The following PPARA variants were observed in gnomAD, a reference collection of about 807,000 sequenced individuals.
The protein encoded by PPARA is peroxisome proliferator activated receptor alpha.
A neutral mutation model predicts 42.2 loss-of-function variants in PPARA; 22 were observed. That is an observed-to-expected ratio of 0.52 (90% CI 0.37 to 0.74). The LOEUF (loss-of-function observed/expected upper bound fraction) is 0.74. PPARA is among the 30% of genes least tolerant of loss of function. PPARA has a pLI of 0.00. For synonymous variants in PPARA, 242 were observed against 239.3 expected, an observed-to-expected ratio of 1.01 and a Z score of -0.10; for missense variants, 465 against 608.2, an observed-to-expected ratio of 0.76 and a Z score of 2.48.
chr22:46,217,099 C>T (rs757042796), intron 5 of PPARA, among the ~76,000 whole-genome samples: 4 of 152,144 alleles, frequency 2.6e-5, no homozygotes, highest in Admixed American at 6.6e-5. Context: ...CACTGTGGCA[C>T]TCTGCTGTCT....
chr22:46,241,262 G>A lies in PPARA; in HGVS notation c.*5882G>A, dbSNP rs901604236. On this transcript the variant is annotated 3_prime_UTR_variant, in exon 9 of 9. Transcript: ENST00000407236. The surrounding 1 kb of genome is among the most constrained non-coding windows in gnomAD (Gnocchi z 5.7). ...CATTTTGACAGCATTCAGGAAAACG[G>A]TTATTGACCCCATAGACTAGGGTAA... 2.0e-4 allele frequency: 30 copies of A among 152,270 alleles called. 1 individual carries two copies. The highest frequency in any genetic ancestry group is 7.0e-4 in the African/African-American group (29 of 41,544). 9.4% of individuals were successfully genotyped at this position (152,270 alleles called of 1,614,324 possible).
chr22:46,206,270 TTGTGTGTGTGTG>T (rs58068079), intron 4 of PPARA, among the ~76,000 whole-genome samples: 3 of 150,322 alleles, frequency 2.0e-5, no homozygotes, highest in African/African-American at 7.3e-5. Context: ...CCCGGCTAAT[TTGTGTGTGTGTG>T]TGTGTGTGTA....
intron 3 of PPARA, among the ~76,000 whole-genome samples, chr22:46,185,954 TATATATATATACAC>T (rs1312702634): frequency 3.6e-5 from 2 of 56,140 alleles, no homozygotes; most frequent in African/African-American, 1.3e-4. Context: ...TATATATATA[TATATATATATACAC>T]ACACACTAAC....
chr22:46,215,823 C>G (rs545739200), intron 5 of PPARA, among the ~76,000 whole-genome samples: 25 of 152,190 alleles, frequency 1.6e-4, no homozygotes, highest in African/African-American at 6.0e-4. Context: ...GCACAGAACC[C>G]CTGAGAGCGT....
Position 46,180,645 on chromosome 22 carries a change from A to G in PPARA, c.-43+3809A>G, listed in dbSNP as rs1160234030. 1.3e-5 allele frequency among the ~76,000 whole-genome samples: 2 copies of G among 152,100 alleles called. No individual in the cohort carries two copies. The highest frequency in any genetic ancestry group is 2.4e-5 in the African/African-American group (1 of 41,406). Reference sequence around the variant, plus strand: ...TCTGTATGCCTGCTTCCTGCCTCACATATTTCCTGCCTCAAGATGCGTAAA... The same window carrying G: ...TCTGTATGCCTGCTTCCTGCCTCACGTATTTCCTGCCTCAAGATGCGTAAA... On this transcript the variant is annotated intron_variant, in intron 3 of 8. Transcript: ENST00000407236. The surrounding 1 kb of genome is among the most constrained non-coding windows in gnomAD (Gnocchi z 4.2).
chr22:46,158,091 T>C (rs1322830677), intron 2 of PPARA, among the ~76,000 whole-genome samples: 5 of 152,100 alleles, frequency 3.3e-5, no homozygotes, highest in Admixed American at 1.3e-4. Context: ...CCCCACCCCC[T>C]TTCATTTTTC....
At chr22:46,208,971 C>T (rs1933667782) in intron 4 of PPARA, among the ~76,000 whole-genome samples, 1 of 151,828 alleles carries the variant, frequency 6.6e-6, no homozygotes, top group South Asian at 2.1e-4. Flanking sequence ...CATTAATGAT[C>T]ATTTAGGATG....
At position 46,185,894 on chromosome 22, in the gene PPARA, C is replaced by CAAAAAAAAAAAAAAAAAAAAAAAAAA. The variant is rs1279499029; in HGVS notation, c.-43+9058_-43+9059insAAAAAAAAAAAAAAAAAAAAAAAAAA. Among the ~76,000 whole-genome samples the CAAAAAAAAAAAAAAAAAAAAAAAAAA allele has an allele frequency of 9.6e-5, 2 of 20,860 alleles. 1 individual carries two copies. Among genetic ancestry groups the CAAAAAAAAAAAAAAAAAAAAAAAAAA allele is most frequent in the Admixed American group, 1.5e-3 (2 of 1,302 alleles). 13.7% of individuals were successfully genotyped at this position (20,860 alleles called of 152,430 possible). A position where few individuals can be genotyped will look rare whatever the true frequency, so the allele number is the denominator to read the frequency against. ...TGGGTGACAAAGTGAGACTCCGTCT[C>CAAAAAAAAAAAAAAAAAAAAAAAAAA]CAAAAAAAAAAAAAAAAAAAAAATA... On this transcript the variant is annotated intron_variant, in intron 3 of 8. Coordinates refer to ENST00000407236, the MANE Select transcript of PPARA (RefSeq NM_005036.6).
At chr22:46,166,625 A>AT (rs956010117) in intron 2 of PPARA, among the ~76,000 whole-genome samples, 1 of 152,026 alleles carries the variant, frequency 6.6e-6, no homozygotes, top group Admixed American at 6.6e-5. Context: ...TCTCAAAAAA[A>AT]AAAAAACAAA....
At chr22:46,209,605 C>G (rs1933724654) in intron 4 of PPARA, among the ~76,000 whole-genome samples, 1 of 152,132 alleles carries the variant, frequency 6.6e-6, no homozygotes, top group Non-Finnish European at 1.5e-5. Flanking sequence ...CTAATCCTAT[C>G]CAGTGTATTT....
Position 46,235,566 on chromosome 22 carries a change from T to C in PPARA, c.*186T>C. ...GTTTTAACCAGTACTTCTAAGAGCA[T>C]AGAACTCAAATGCTGGGGGTAGGTG... On this transcript the variant is annotated 3_prime_UTR_variant, in exon 9 of 9. Coordinates refer to ENST00000407236, the MANE Select transcript of PPARA (RefSeq NM_005036.6). This position sits in a 1 kb window ranked among gnomAD's most constrained non-coding sequence, Gnocchi z 7.0. The C allele has an allele frequency of 1.3e-6, 1 of 763,806 alleles. No homozygotes were observed. Among genetic ancestry groups the C allele is most frequent in the Non-Finnish European group, 2.1e-6 (1 of 479,872 alleles). The allele number at this position is 763,806 out of a possible 1,614,324, so 47.3% of individuals were successfully genotyped here.
rs6008974 is a variant in PPARA at position 46,161,023 on chromosome 22, A to G, written c.-127+9053A>G. ...AGGTCAGAAGTCTAAGTGAAAGTGA[A>G]TATTTAACCACACTCAAGCACAGCT... On this transcript the variant is annotated intron_variant, in intron 2 of 8. Transcript: ENST00000407236. This position sits in a 1 kb window ranked among gnomAD's most constrained non-coding sequence, Gnocchi z 4.8. 3.6e-4 allele frequency among the ~76,000 whole-genome samples: 55 copies of G among 152,352 alleles called. 1 individual carries two copies. Among genetic ancestry groups the G allele is most frequent in the African/African-American group, 1.3e-3 (53 of 41,584 alleles).
At chr22:46,177,155 G>A (rs1296188429) in intron 3 of PPARA, among the ~76,000 whole-genome samples, 2 of 152,116 alleles carry the variant, frequency 1.3e-5, no homozygotes, top group Non-Finnish European at 2.9e-5. Flanking sequence ...AGCTTGCAGT[G>A]AGCCAAGATC....
At chr22:46,198,055 C>T (rs1932501688) in intron 3 of PPARA, among the ~76,000 whole-genome samples, 1 of 149,586 alleles carries the variant, frequency 6.7e-6, no homozygotes, top group African/African-American at 2.5e-5. Flanking sequence ...CACAGTGAAA[C>T]CCGTCTCTAC....
chr22:46,208,381 C>T (rs1366814102), intron 4 of PPARA, among the ~76,000 whole-genome samples: 1 of 152,006 alleles, frequency 6.6e-6, no homozygotes, highest in African/African-American at 2.4e-5. Context: ...AACCCCGTCC[C>T]TACTAAAAAC....
chr22:46,205,558 T>A (rs1430477264), intron 4 of PPARA, among the ~76,000 whole-genome samples: 212 of 52,376 alleles, frequency 4.0e-3, no homozygotes, highest in African/African-American at 6.5e-3. Flanking sequence ...ATATATATTT[T>A]TTTTTTTTTT....
Position 46,167,871 on chromosome 22 carries a change from G to A in PPARA, c.-126-8882G>A, listed in dbSNP as rs995569835. Among the ~76,000 whole-genome samples, 4 of 145,652 alleles carry A rather than the reference G, an allele frequency of 2.7e-5. No individual in the cohort carries two copies. The highest frequency in any genetic ancestry group is 1.1e-4 in the African/African-American group (4 of 36,996). ...CAGCCTGGGCAACATAACAAGAGTG[G>A]GTCTTTACCAAAAAAAAAAAATAAA... On this transcript the variant is annotated intron_variant, in intron 2 of 8. Transcript: ENST00000407236. This position sits in a 1 kb window ranked among gnomAD's most constrained non-coding sequence, Gnocchi z 4.1.
chr22:46,174,551 T>C (rs1237252108), intron 2 of PPARA, among the ~76,000 whole-genome samples: 1 of 152,122 alleles, frequency 6.6e-6, no homozygotes, highest in Non-Finnish European at 1.5e-5. Context: ...ACATAGTAAC[T>C]CACTCCTGTA....
rs1041867266 is a variant in PPARA at position 46,184,123 on chromosome 22, C to T, written c.-43+7287C>T. Among the ~76,000 whole-genome samples the T allele has an allele frequency of 2.0e-5, 3 of 152,186 alleles. No homozygotes were observed. Among genetic ancestry groups the T allele is most frequent in the African/African-American group, 7.2e-5 (3 of 41,432 alleles). ...AAAAAGTGTTAGCTGGAACTACTATCATTATCAACATCTCTAATTTATTGC... is the reference window on the plus strand; with the variant it reads ...AAAAAGTGTTAGCTGGAACTACTATTATTATCAACATCTCTAATTTATTGC... On this transcript the variant is annotated intron_variant, in intron 3 of 8. Transcript: ENST00000407236. The surrounding 1 kb of genome is among the most constrained non-coding windows in gnomAD (Gnocchi z 4.4).
Sources: allele counts gnomAD v4.1 joint callset (sites outside exome capture counted in the v4.1 genomes callset), GRCh38; gene constraint gnomAD v4.1.1; non-coding constraint Gnocchi (gnomAD v3.1); transcripts MANE v1.5; gene names NCBI Gene and HGNC (gene_info 2026-07-23, HGNC 2026-07-21).